Variants in CCSER1 observed in about 807,000 individuals in gnomAD.
The protein encoded by CCSER1 is serine-rich coiled-coil domain-containing protein 1.
In CCSER1, 41 loss-of-function variants were observed where a neutral mutation model predicts 82.0. The observed-to-expected ratio is 0.50, with a 90% CI of 0.39 to 0.65. The LOEUF (loss-of-function observed/expected upper bound fraction) is 0.65. CCSER1 is among the 30% of genes least tolerant of loss of function. The pLI is 0.00. For synonymous variants in CCSER1, 414 were observed against 383.9 expected, an observed-to-expected ratio of 1.08 and a Z score of -0.92; for missense variants, 1,119 against 1,064.2, an observed-to-expected ratio of 1.05 and a Z score of -0.72.
At chr4:90,467,631 C>T (rs1406053694) in intron 4 of CCSER1, among the ~76,000 whole-genome samples, 1 of 151,090 alleles carries the variant, frequency 6.6e-6, no homozygotes, top group East Asian at 2.0e-4. Flanking sequence ...TGCAGTGAGC[C>T]AAGATCGTGC....
chr4:91,279,835 A>G (rs1476717838), intron 10 of CCSER1, among the ~76,000 whole-genome samples: 1 of 152,004 alleles, frequency 6.6e-6, no homozygotes, highest in African/African-American at 2.4e-5. Flanking sequence ...TTGTGCCCTT[A>G]TATTGATATT....
At position 90,497,949 on chromosome 4, in the gene CCSER1, C is replaced by CT. The variant is rs398063795; in HGVS notation, c.1724+29609dup. On this transcript the variant is annotated intron_variant, in intron 5 of 10. Coordinates refer to ENST00000509176, the MANE Select transcript of CCSER1 (RefSeq NM_001145065.2). ...GGTGAGATGGAATCATGAACAGTCT[C>CT]TTTTTTTTTTTTTTGAGATGGAGTT... Among the ~76,000 whole-genome samples, 1,077 of 141,404 alleles carry CT rather than the reference C, an allele frequency of 7.6e-3. 4 individuals carry two copies. Among genetic ancestry groups the CT allele is most frequent in the Middle Eastern group, 0.015 (4 of 274 alleles). The allele number at this position is 141,404 out of a possible 152,430, so 92.8% of individuals were successfully genotyped here. A position where few individuals can be genotyped will look rare whatever the true frequency, so the allele number is the denominator to read the frequency against.
chr4:91,169,843 T>A (rs1732567625), intron 10 of CCSER1, among the ~76,000 whole-genome samples: 1 of 152,288 alleles, frequency 6.6e-6, no homozygotes, highest in South Asian at 2.1e-4. Flanking sequence ...GCTAGTTGCC[T>A]ATCCCATTTT....
rs561299806 is a variant in CCSER1 at position 91,324,782 on chromosome 4, T to C, written c.2217+238788T>C. Among the ~76,000 whole-genome samples the C allele has an allele frequency of 2.8e-4, 42 of 152,288 alleles. No homozygotes were observed. The South Asian group carries it at 7.7e-3, about 28-fold the overall frequency. On this transcript the variant is annotated intron_variant, in intron 10 of 10. Coordinates refer to ENST00000509176, the MANE Select transcript of CCSER1 (RefSeq NM_001145065.2). ...GAAATCAGCAAGGTGCCGGACTTTT[T>C]CTTAAGCCTTCAGTGTAGTATTGAG...
intron 10 of CCSER1, among the ~76,000 whole-genome samples, chr4:91,421,203 T>C (rs1450263304): frequency 6.6e-6 from 1 of 152,288 alleles, no homozygotes; most frequent in East Asian, 1.9e-4. Flanking sequence ...TACATAGATA[T>C]ATAAAAGGAG....
At chr4:91,332,622 G>A (rs550590683) in intron 10 of CCSER1, among the ~76,000 whole-genome samples, 1 of 151,854 alleles carries the variant, frequency 6.6e-6, no homozygotes. Context: ...ATTTATTACA[G>A]CGCTACAAAA....
At chr4:91,552,802 A>G (rs1392383299) in intron 10 of CCSER1, among the ~76,000 whole-genome samples, 1 of 151,402 alleles carries the variant, frequency 6.6e-6, no homozygotes, top group African/African-American at 2.4e-5. Context: ...TTTTCTATAT[A>G]TTAGATTCTA....
chr4:91,382,245 G>A (rs114605715), intron 10 of CCSER1, among the ~76,000 whole-genome samples: 2,981 of 152,240 alleles, frequency 0.02, 73 homozygotes, highest in African/African-American at 0.067. Context: ...ACATTTATGG[G>A]ATAAGGAAAC....
chr4:91,184,662 C>A (rs1037139190), intron 10 of CCSER1, among the ~76,000 whole-genome samples: 6 of 152,300 alleles, frequency 3.9e-5, no homozygotes, highest in East Asian at 3.9e-4. Flanking sequence ...TATCTGTTAA[C>A]CATTTTAAAG....
intron 10 of CCSER1, among the ~76,000 whole-genome samples, chr4:91,186,409 G>A (rs1734538315): frequency 6.6e-6 from 1 of 152,024 alleles, no homozygotes; most frequent in African/African-American, 2.4e-5. Flanking sequence ...TCACCACAGG[G>A]ATTGCTTTAA....
chr4:91,134,398 G>A (rs753857252), intron 10 of CCSER1, among the ~76,000 whole-genome samples: 2 of 150,168 alleles, frequency 1.3e-5, no homozygotes, highest in African/African-American at 2.5e-5. Context: ...TCCAGTCAGG[G>A]CAACACAGCA....
At chr4:91,146,004 A>AAAAT (rs1372921697) in intron 10 of CCSER1, among the ~76,000 whole-genome samples, 1 of 152,082 alleles carries the variant, frequency 6.6e-6, no homozygotes, top group African/African-American at 2.4e-5. Flanking sequence ...TCCTCTCTAG[A>AAAAT]AAATATGTTT....
At position 91,601,261 on chromosome 4, in the gene CCSER1, G is replaced by A. The variant is rs1296925710; in HGVS notation, c.*2204G>A. The A allele has an allele frequency of 6.6e-6, 1 of 151,988 alleles. No homozygotes were observed. The highest frequency in any genetic ancestry group is 2.4e-5 in the African/African-American group (1 of 41,420). 9.4% of individuals were successfully genotyped at this position (151,988 alleles called of 1,614,324 possible). ...AGACATTTTAAGAGATGTTTTAAAC[G>A]CTAGTATTTTCTTGAAAAATCTTTT... On this transcript the variant is annotated 3_prime_UTR_variant, in exon 11 of 11. Transcript: ENST00000509176.
At chr4:91,163,735 C>T (rs887155917) in intron 10 of CCSER1, among the ~76,000 whole-genome samples, 13 of 151,862 alleles carry the variant, frequency 8.6e-5, no homozygotes, top group Middle Eastern at 6.8e-3. Context: ...TCTGTTTTTT[C>T]AGAGACTAGG....
intron 9 of CCSER1, among the ~76,000 whole-genome samples, chr4:90,945,162 A>C (rs1732081007): frequency 6.6e-6 from 1 of 152,198 alleles, no homozygotes; most frequent in South Asian, 2.1e-4. Context: ...TTAGTGATTT[A>C]ACTAGGAAAA....
intron 10 of CCSER1, among the ~76,000 whole-genome samples, chr4:91,114,079 C>G (rs999961220): frequency 1.1e-4 from 16 of 152,104 alleles, no homozygotes; most frequent in Non-Finnish European, 1.6e-4. Flanking sequence ...GTCTCGATCT[C>G]CTGACCTCGT....
chr4:90,871,547 A>T (rs1044279354), intron 8 of CCSER1, among the ~76,000 whole-genome samples: 3 of 151,816 alleles, frequency 2.0e-5, no homozygotes, highest in Admixed American at 6.6e-5. Context: ...ATTATTTCAA[A>T]TTTTTTTGTT....
intron 10 of CCSER1, among the ~76,000 whole-genome samples, chr4:91,186,074 C>T (rs1003809800): frequency 2.2e-4 from 33 of 152,254 alleles, no homozygotes; most frequent in African/African-American, 7.7e-4. Flanking sequence ...GAATTCCTGC[C>T]TGAATAGAAC....
In CCSER1 at chr4:90,411,432, C is replaced by T. The variant is rs181520793; in HGVS notation, c.1603+11303C>T. Among the ~76,000 whole-genome samples the T allele has an allele frequency of 3.3e-3, 503 of 152,296 alleles. 1 individual carries two copies. The highest frequency in any genetic ancestry group is 0.011 in the African/African-American group (475 of 41,568). ...ATCAAAATCTTATCCACCACGATCA[C>T]ATGGGCTTCATCCCTGGGATGCAAG... On this transcript the variant is annotated intron_variant, in intron 4 of 10. Transcript: ENST00000509176.
Sources: gnomAD v4.1 joint callset for allele counts (sites outside exome capture counted in the v4.1 genomes callset) on GRCh38, gnomAD v4.1.1 for gene constraint, MANE v1.5 for transcripts, NCBI Gene and HGNC (gene_info 2026-07-23, HGNC 2026-07-21) for gene names.